ELP1: variants seen among roughly 807,000 people sequenced by gnomAD.
The protein encoded by ELP1 is elongator acetyltransferase complex subunit 1.
In ELP1, 131 loss-of-function variants were observed where a neutral mutation model predicts 183.2. The observed-to-expected ratio is 0.72, with a 90% CI of 0.62 to 0.83. The LOEUF is 0.83. Among genes scored for constraint, ELP1 ranks in the 40% least tolerant of loss-of-function variants. ELP1 has a pLI of 0.00. For missense variants in ELP1, 1,550 were observed against 1,594.9 expected, an observed-to-expected ratio of 0.97 and a Z score of 0.48; for synonymous variants, 555 against 569.0, an observed-to-expected ratio of 0.98 and a Z score of 0.35.
At position 108,912,595 on chromosome 9, in the gene ELP1, C is replaced by T. The variant is rs1199787801; in HGVS notation, c.959-101G>A. 3.7e-6 allele frequency: 3 copies of T among 802,470 alleles called. No individual in the cohort carries two copies. In the East Asian group the frequency reaches 7.5e-5, roughly 20 times the overall value. 49.7% of individuals were successfully genotyped at this position (802,470 alleles called of 1,614,324 possible). The stretch of plus-strand genomic sequence containing the variant: ...GGCAATCTTTTCTTTTTCAAAGGAC[C>T]CTTCCTGCTCAGCCTCGTCTCTAAA... On this transcript the variant is annotated intron_variant, in intron 10 of 36. Coordinates refer to ENST00000374647, the MANE Select transcript of ELP1 (RefSeq NM_003640.5).
Position 108,885,035 on chromosome 9 carries a change from C to T in ELP1, c.3223-2848G>A, listed in dbSNP as rs546564701. 2.6e-5 allele frequency among the ~76,000 whole-genome samples: 4 copies of T among 151,944 alleles called. 1 individual carries two copies. The highest frequency in any genetic ancestry group is 9.7e-5 in the African/African-American group (4 of 41,438). On this transcript the variant is annotated intron_variant, in intron 29 of 36. Transcript: ENST00000374647. ...GTTTGAGACTGCAGTGAACCATGAT[C>T]GTGCCACTGCACTCCAGCCTGAGCA...
At chr9:108,928,558 G>A (rs117814360) in intron 3 of ELP1, among the ~76,000 whole-genome samples, 2,737 of 152,242 alleles carry the variant, frequency 0.018, 32 homozygotes, top group Non-Finnish European at 0.025. Flanking sequence ...TAAGGTTTAC[G>A]TACACACAGG....
intron 36 of ELP1, among the ~76,000 whole-genome samples, chr9:108,871,557 T>C (rs1404245180): frequency 6.6e-6 from 1 of 152,208 alleles, no homozygotes; most frequent in Non-Finnish European, 1.5e-5. Flanking sequence ...TTAGCAGCTT[T>C]ACAGATAAGG....
intron 31 of ELP1, among the ~76,000 whole-genome samples, chr9:108,880,574 G>T (rs1199109182): frequency 1.3e-5 from 2 of 152,100 alleles, no homozygotes; most frequent in East Asian, 3.9e-4. Flanking sequence ...CATGGATGTG[G>T]AAAAAATGTA....
intron 6 of ELP1, among the ~76,000 whole-genome samples, chr9:108,921,898 G>A (rs1448083919): frequency 1.3e-5 from 2 of 152,214 alleles, no homozygotes; most frequent in Admixed American, 6.5e-5. Context: ...ACACTGTGCT[G>A]ATGCTATGAT....
chr9:108,876,951 G>A (rs1021721004), intron 35 of ELP1, among the ~76,000 whole-genome samples: 1 of 152,040 alleles, frequency 6.6e-6, no homozygotes, highest in Non-Finnish European at 1.5e-5. Context: ...CATTAGTCAC[G>A]AACTCCTGAC....
At position 108,872,526 on chromosome 9, in the gene ELP1, C is replaced by T. The variant is rs144345992; in HGVS notation, c.3931+2369G>A. On this transcript the variant is annotated intron_variant, in intron 36 of 36. Coordinates refer to ENST00000374647, the MANE Select transcript of ELP1 (RefSeq NM_003640.5). ...TATCTTAAAAAAACTAGTTACAGGCCGGGCGCGGTGGCTCACGCTTGTAAT... is the reference window on the plus strand; with the variant it reads ...TATCTTAAAAAAACTAGTTACAGGCTGGGCGCGGTGGCTCACGCTTGTAAT... Among the ~76,000 whole-genome samples, 403 of 152,044 alleles carry T rather than the reference C, an allele frequency of 2.7e-3. 3 individuals carry two copies. The highest frequency in any genetic ancestry group is 9.0e-3 in the African/African-American group (372 of 41,444).
intron 35 of ELP1, among the ~76,000 whole-genome samples, chr9:108,876,404 G>C (rs7874795): frequency 1.3e-5 from 2 of 151,948 alleles, no homozygotes; most frequent in Non-Finnish European, 2.9e-5. Context: ...TTATTTCAAC[G>C]GTTTGTAAAG....
In ELP1 at chr9:108,874,896, A is replaced by G; in HGVS notation, c.3930T>C (p.Leu1310=). 1 of 1,601,550 alleles carries G rather than the reference A, an allele frequency of 6.2e-7. No individual in the cohort carries two copies. Among genetic ancestry groups the G allele is most frequent in the Non-Finnish European group, 8.6e-7 (1 of 1,168,718 alleles). Residue 1310 remains leucine (L), a splice_region_variant and synonymous_variant, in exon 36 of 37, where the codon CTT becomes CTC. Transcript: ENST00000374647. ...YQQQKTSVPV[L]DAELFIPPKI... The stretch of plus-strand genomic sequence containing the variant: ...TATTAAATGAGAAAAAATACTAACC[A>G]AGAACAGGAACCGAAGTCTTCTGTT...
At chr9:108,891,133 A>T in intron 28 of ELP1, 70 bp downstream of exon 28, 1 of 1,495,736 alleles carries the variant, frequency 6.7e-7, no homozygotes, top group Non-Finnish European at 9.3e-7. Context: ...TTATTTGCAA[A>T]ATTACCAAAC....
chr9:108,909,262 GAT>G (rs1274982490), intron 12 of ELP1, among the ~76,000 whole-genome samples: 3 of 151,988 alleles, frequency 2.0e-5, no homozygotes, highest in African/African-American at 7.3e-5. Flanking sequence ...ATATTTAATT[GAT>G]ATCTTTTGTC....
At chr9:108,892,037 G>A (rs1828359491) in intron 27 of ELP1, among the ~76,000 whole-genome samples, 2 of 152,200 alleles carry the variant, frequency 1.3e-5, no homozygotes, top group Non-Finnish European at 2.9e-5. Flanking sequence ...GATTCTCCAG[G>A]CTGGATGTTA....
chr9:108,914,220 A>T (rs1348496220), intron 10 of ELP1, among the ~76,000 whole-genome samples: 1 of 151,978 alleles, frequency 6.6e-6, no homozygotes, highest in African/African-American at 2.4e-5. Flanking sequence ...TAACGCGGTG[A>T]AACCCTGCCT....
intron 11 of ELP1, 140 bp downstream of exon 11, chr9:108,912,124 T>C (rs1278628852): frequency 1.6e-5 from 12 of 728,342 alleles, no homozygotes; most frequent in Admixed American, 6.1e-5. Flanking sequence ...CCACCTTATA[T>C]CCCATTCAAT....
chr9:108,914,880 C>T (rs917983383), intron 10 of ELP1, among the ~76,000 whole-genome samples: 1 of 152,182 alleles, frequency 6.6e-6, no homozygotes, highest in African/African-American at 2.4e-5. Context: ...CCGCCTCGGC[C>T]TCCCAAAGTG....
chr9:108,876,698 A>C (rs1587869580), intron 35 of ELP1, among the ~76,000 whole-genome samples: 1 of 151,144 alleles, frequency 6.6e-6, no homozygotes, highest in African/African-American at 2.4e-5. Context: ...AGGATGAACA[A>C]AAGATTTCTA....
intron 31 of ELP1, 110 bp downstream of exon 31, chr9:108,881,595 G>C: frequency 1.4e-6 from 1 of 734,814 alleles, no homozygotes; most frequent in Non-Finnish European, 2.4e-6. Context: ...TTTTGATTGA[G>C]TCTACATGAC....
Position 108,893,074 on chromosome 9 carries a change from T to A in ELP1, c.2870A>T (p.Tyr957Phe), listed in dbSNP as rs1828405751. The change falls in exon 27 of 37, where the codon TAC becomes TTC. Residue 957 changes from tyrosine to phenylalanine, a missense_variant. By Grantham distance (22) the Tyr-to-Phe change is conservative (BLOSUM62 3). Transcript: ENST00000374647. Reference protein sequence around the residue: ...IGHLSKCGPEYFPECLNLIKD... With the variant: ...IGHLSKCGPEFFPECLNLIKD... ...TATCAAGTTTAAGCATTCTGGGAAG[T>A]ACTCAGGTCCTGCAGGAAAAAGATT... 3.1e-6 allele frequency: 5 copies of A among 1,612,070 alleles called. No homozygotes were observed. The highest frequency in any genetic ancestry group is 1.7e-5 in the Admixed American group (1 of 60,018).
At chr9:108,877,020 C>G (rs932327282) in intron 35 of ELP1, among the ~76,000 whole-genome samples, 1 of 152,184 alleles carries the variant, frequency 6.6e-6, no homozygotes, top group African/African-American at 2.4e-5. Flanking sequence ...CGTGAGCCAC[C>G]ACCACACCTG....
Sources: gnomAD v4.1 joint callset for allele counts (sites outside exome capture counted in the v4.1 genomes callset) on GRCh38, gnomAD v4.1.1 for gene constraint, MANE v1.5 for transcripts, NCBI Gene and HGNC (gene_info 2026-07-23, HGNC 2026-07-21) for gene names.